The following CRYZL1 variants were observed in gnomAD, a reference collection of about 807,000 sequenced individuals.
The protein encoded by CRYZL1 is ferry endosomal RAB5 effector complex subunit 4.
A neutral mutation model predicts 50.6 loss-of-function variants in CRYZL1; 34 were observed. The ratio of observed to expected loss-of-function variants is 0.67; its 90% confidence interval spans 0.51 to 0.89. The LOEUF (loss-of-function observed/expected upper bound fraction) is 0.89, where lower values mean the gene tolerates loss of function less well. CRYZL1 is among the 40% of genes least tolerant of loss of function. CRYZL1 has a pLI of 0.00. For synonymous variants in CRYZL1, 125 were observed against 134.3 expected, an observed-to-expected ratio of 0.93 and a Z score of 0.48; for missense variants, 354 against 402.3, an observed-to-expected ratio of 0.88 and a Z score of 1.03.
intron 8 of CRYZL1, among the ~76,000 whole-genome samples, chr21:33,600,605 T>C (rs1355009235): frequency 6.6e-6 from 1 of 151,626 alleles, no homozygotes; most frequent in Non-Finnish European, 1.5e-5. Flanking sequence ...TTCGTTCATG[T>C]TCTTTTTTTT....
At chr21:33,612,655 T>C (rs2086885265) in intron 6 of CRYZL1, among the ~76,000 whole-genome samples, 1 of 152,208 alleles carries the variant, frequency 6.6e-6, no homozygotes, top group African/African-American at 2.4e-5. Flanking sequence ...GTGGTTTTAA[T>C]TGCTTTCCCC....
At chr21:33,622,425 G>A (rs1401929181) in intron 3 of CRYZL1, among the ~76,000 whole-genome samples, 4 of 152,186 alleles carry the variant, frequency 2.6e-5, no homozygotes, top group Non-Finnish European at 5.9e-5. Flanking sequence ...TGAAGGGAGG[G>A]TAGTCTGGAG....
chr21:33,632,139 A>G lies in CRYZL1; in HGVS notation c.-6-582T>C, dbSNP rs181382295. On this transcript the variant is annotated intron_variant, in intron 1 of 12. Coordinates refer to ENST00000381554, the MANE Select transcript of CRYZL1 (RefSeq NM_145858.3). ...GGAGTTCGAGATCAGCCTGACCGAC[A>G]TGGAGAAACCCCATCTCTACTAAAA... Among the ~76,000 whole-genome samples the G allele has an allele frequency of 3.4e-3, 501 of 149,450 alleles. 4 individuals are homozygous for G. The highest frequency in any genetic ancestry group is 0.012 in the African/African-American group (472 of 40,704).
At chr21:33,640,017 G>T (rs1329510979) in intron 1 of CRYZL1, 2 of 692,918 alleles carry the variant, frequency 2.9e-6, no homozygotes, top group Non-Finnish European at 2.2e-6. Context: ...GTAGACACGG[G>T]GTTTCACCAT....
At chr21:33,634,949 T>C (rs187577842) in intron 1 of CRYZL1, among the ~76,000 whole-genome samples, 3 of 151,796 alleles carry the variant, frequency 2.0e-5, no homozygotes, top group African/African-American at 7.2e-5. Flanking sequence ...AAATAGTTTC[T>C]CTAAATTAGG....
chr21:33,634,081 T>C (rs1468459176), intron 1 of CRYZL1, among the ~76,000 whole-genome samples: 1 of 152,220 alleles, frequency 6.6e-6, no homozygotes, highest in East Asian at 1.9e-4. Context: ...AAATTACGTA[T>C]GTAGCATGTA....
intron 4 of CRYZL1, among the ~76,000 whole-genome samples, chr21:33,617,546 G>A (rs894124922): frequency 6.6e-6 from 1 of 152,048 alleles, no homozygotes. Context: ...CGGGAGCTTC[G>A]GCAAGACTCA....
At chr21:33,597,199 G>T in intron 10 of CRYZL1, 81 bp downstream of exon 10, 1 of 1,385,186 alleles carries the variant, frequency 7.2e-7, no homozygotes, top group Non-Finnish European at 1.0e-6. Flanking sequence ...GTCATACCTT[G>T]CCTCAAATAA....
chr21:33,623,971 ATTAG>A (rs2087031290), intron 3 of CRYZL1, among the ~76,000 whole-genome samples: 1 of 152,188 alleles, frequency 6.6e-6, no homozygotes, highest in Admixed American at 6.5e-5. Context: ...AACTAGTAAT[ATTAG>A]TTAAATATCT....
intron 5 of CRYZL1, among the ~76,000 whole-genome samples, chr21:33,614,176 A>AAAC (rs2086903018): frequency 6.7e-6 from 1 of 150,190 alleles, no homozygotes; most frequent in Admixed American, 6.7e-5. Context: ...TGTGTCAAAA[A>AAAC]AAAAAAAAAA....
At chr21:33,614,632 C>T (rs990244027) in intron 5 of CRYZL1, among the ~76,000 whole-genome samples, 16 of 152,070 alleles carry the variant, frequency 1.1e-4, no homozygotes, top group African/African-American at 3.1e-4. Context: ...AGTGCAATGG[C>T]GCGATCTCAG....
chr21:33,597,004 G>A (rs1283782521), intron 10 of CRYZL1, among the ~76,000 whole-genome samples: 1 of 151,830 alleles, frequency 6.6e-6, no homozygotes, highest in Non-Finnish European at 1.5e-5. Flanking sequence ...CAAGGAGCTG[G>A]GAATATAAGC....
At chr21:33,624,279 G>C (rs1569090906) in intron 3 of CRYZL1, among the ~76,000 whole-genome samples, 1 of 152,228 alleles carries the variant, frequency 6.6e-6, no homozygotes, top group Non-Finnish European at 1.5e-5. Context: ...GGGCGCAGTG[G>C]CTCATGCCTG....
At chr21:33,618,050 G>GAGGC (rs1466042670) in intron 4 of CRYZL1, among the ~76,000 whole-genome samples, 1 of 152,134 alleles carries the variant, frequency 6.6e-6, no homozygotes, top group Non-Finnish European at 1.5e-5. Context: ...AGCACTTTGG[G>GAGGC]AGGCCGAGGC....
chr21:33,610,608 G>A (rs868729124), intron 6 of CRYZL1, among the ~76,000 whole-genome samples: 70 of 151,918 alleles, frequency 4.6e-4, no homozygotes, highest in South Asian at 1.4e-3. Flanking sequence ...GTGGTTTGCC[G>A]GTCTTAGCTT....
intron 1 of CRYZL1, among the ~76,000 whole-genome samples, chr21:33,636,722 A>G (rs1347548966): frequency 6.6e-6 from 1 of 152,248 alleles, no homozygotes; most frequent in African/African-American, 2.4e-5. Flanking sequence ...ATCAATGGGA[A>G]GTAGTTTCAA....
chr21:33,637,676 T>C (rs1418878744), intron 1 of CRYZL1, among the ~76,000 whole-genome samples: 3 of 151,052 alleles, frequency 2.0e-5, no homozygotes, highest in African/African-American at 7.3e-5. Flanking sequence ...CACTCCAGGT[T>C]CAGAGTTCGG....
chr21:33,620,242 G>A (rs528930248), intron 4 of CRYZL1, among the ~76,000 whole-genome samples: 4 of 152,046 alleles, frequency 2.6e-5, no homozygotes, highest in Non-Finnish European at 4.4e-5. Context: ...TTATTCATTC[G>A]CATAGGAGGT....
In CRYZL1 at chr21:33,641,280, C is replaced by G. The variant is rs146403588; in HGVS notation, c.-7+401G>C. On this transcript the variant is annotated intron_variant, in intron 1 of 12. Coordinates refer to ENST00000381554, the MANE Select transcript of CRYZL1 (RefSeq NM_145858.3). ...ACTACTAACTGCTTTCCGAAAACAG[C>G]AAAGTGATGAGGAAGAAAGAAGTGG... 108 of 1,549,980 alleles carry G rather than the reference C, an allele frequency of 7.0e-5. No homozygotes were observed. In the African/African-American group the frequency reaches 1.1e-3, roughly 16 times the overall value.
Sources: allele counts gnomAD v4.1 joint callset (sites outside exome capture counted in the v4.1 genomes callset), GRCh38; gene constraint gnomAD v4.1.1; transcripts MANE v1.5; gene names NCBI Gene and HGNC (gene_info 2026-07-23, HGNC 2026-07-21).